FCGR2B: variants seen among roughly 807,000 people sequenced by gnomAD.
FCGR2B encodes the protein Fc gamma receptor IIb, also known as low affinity immunoglobulin gamma Fc region receptor II-b.
A neutral mutation model predicts 24.8 loss-of-function variants in FCGR2B; 18 were observed. The observed-to-expected ratio is 0.73, with a 90% CI of 0.50 to 1.08. The LOEUF (loss-of-function observed/expected upper bound fraction) is 1.08. FCGR2B is among the 50% of genes least tolerant of loss of function. The pLI is 0.00. For missense variants in FCGR2B, 215 were observed against 297.6 expected (o/e 0.72, Z 2.04); for synonymous variants, 79 against 109.8 (o/e 0.72, Z 1.75).
At chr1:161,676,098 G>A (rs1251589190) in intron 6 of FCGR2B, 1 of 230,648 alleles carries the variant, frequency 4.3e-6, no homozygotes, top group Non-Finnish European at 8.6e-6. Context: ...AGTGTGTAAA[G>A]GAACTTCCAG....
chr1:161,676,482 C>T (rs746667917), intron 6 of FCGR2B: 4 of 177,028 alleles, frequency 2.3e-5, no homozygotes, highest in Non-Finnish European at 3.6e-5. Flanking sequence ...ACTTTTGCAG[C>T]CAGGCATTGG....
In FCGR2B at chr1:161,673,282, G is replaced by T. The variant is rs142579257; in HGVS notation, c.646+53G>T. The T allele has an allele frequency of 7.5e-3, 11,929 of 1,594,782 alleles. 479 individuals carry two copies. In the African/African-American group the frequency reaches 0.14, roughly 18 times the overall value. ...AGGGGAGAAGAGGGGATGGACAAGG[G>T]CTGAGGTCACATGGGCCTACATGGA... is the stretch of plus-strand genomic sequence containing the variant. On this transcript the variant is annotated intron_variant, in intron 4 of 7. Coordinates refer to ENST00000358671, the MANE Select transcript of FCGR2B (RefSeq NM_001394477.1).
intron 5 of FCGR2B, chr1:161,674,326 T>C: frequency 3.8e-6 from 1 of 264,126 alleles, no homozygotes; most frequent in Non-Finnish European, 7.4e-6. Context: ...CTTGGGGAGT[T>C]CTCAGCATTG....
the FCGR2B span, among the ~76,000 whole-genome samples, chr1:161,654,355 G>A: frequency 5.3e-5 from 4 of 74,948 alleles, 1 homozygote; most frequent in Admixed American, 6.0e-4. Flanking sequence ...CAAGGGTAGA[G>A]AGATGTTTGT....
chr1:161,675,887 T>C (rs779577815), intron 6 of FCGR2B: 24 of 233,182 alleles, frequency 1.0e-4, no homozygotes, highest in Admixed American at 5.6e-4. Flanking sequence ...AACTCAGTTC[T>C]GATGCCCATG....
chr1:161,677,103 C>T (rs1284119690), intron 6 of FCGR2B: 20 of 565,618 alleles, frequency 3.5e-5, no homozygotes, highest in Non-Finnish European at 5.8e-5. Context: ...CAAGTGACTG[C>T]TCCACTTTTT....
At chr1:161,671,714 C>A in intron 3 of FCGR2B, 65 bp downstream of exon 3, 2 of 1,603,812 alleles carry the variant, frequency 1.2e-6, no homozygotes, top group East Asian at 2.2e-5. Context: ...TGCTTTCAGG[C>A]AGAGGTTTGC....
rs552605155 is a variant in FCGR2B at position 161,677,848 on chromosome 1, A to G, written c.*295A>G. 181 of 368,840 alleles carry G rather than the reference A, an allele frequency of 4.9e-4. No individual in the cohort carries two copies. The highest frequency in any genetic ancestry group is 2.4e-3 in the Admixed American group (52 of 22,006). The allele number at this position is 368,840 out of a possible 1,614,324, so 22.8% of individuals were successfully genotyped here. A position where few individuals can be genotyped will look rare whatever the true frequency, so the allele number is the denominator to read the frequency against. Reference sequence around the variant, plus strand: ...ATCAAACCACTGTTATTAACAGATAATAGCAACTTGGGAAATGCTTATGTT... The same window carrying G: ...ATCAAACCACTGTTATTAACAGATAGTAGCAACTTGGGAAATGCTTATGTT... On this transcript the variant is annotated 3_prime_UTR_variant, in exon 8 of 8. Coordinates refer to ENST00000358671, the MANE Select transcript of FCGR2B (RefSeq NM_001394477.1).
At chr1:161,649,269 C>T in the FCGR2B span, among the ~76,000 whole-genome samples, 2 of 150,958 alleles carry the variant, frequency 1.3e-5, no homozygotes, top group Admixed American at 1.3e-4. Context: ...TCCTCTTTTA[C>T]TTTTTTGCAT....
chr1:161,671,318 T>C (rs1213803557), intron 2 of FCGR2B, 74 bp from the exon 3 acceptor site: 4 of 1,610,508 alleles, frequency 2.5e-6, no homozygotes, highest in African/African-American at 2.7e-5. Flanking sequence ...AGGTGCTTTT[T>C]TGTCTGAGAT....
chr1:161,676,326 T>C (rs3767640), intron 6 of FCGR2B: 29,063 of 194,222 alleles, frequency 0.15, 2,818 homozygotes, highest in African/African-American at 0.26. Flanking sequence ...CAAGGTCGCA[T>C]GTCTGCTGGC....
the FCGR2B span, among the ~76,000 whole-genome samples, chr1:161,652,908 A>G: frequency 1.5e-5 from 2 of 134,022 alleles, no homozygotes; most frequent in African/African-American, 2.6e-5. Context: ...ACCAAGAGAC[A>G]CCGGTATTCC....
chr1:161,671,723 G>T, intron 3 of FCGR2B, 74 bp downstream of exon 3: 1 of 1,602,068 alleles, frequency 6.2e-7, no homozygotes, highest in Non-Finnish European at 8.5e-7. Context: ...GCAGAGGTTT[G>T]CAGGAAAGGG....
Position 161,678,394 on chromosome 1 carries a change from C to T in FCGR2B, c.*841C>T. The stretch of plus-strand genomic sequence containing the variant: ...TTACAATTGCCTAAAGTATTCAGTA[C>T]AGTAGCATGCTGTACAGGTTTGTAG... On this transcript the variant is annotated 3_prime_UTR_variant, in exon 8 of 8. Transcript: ENST00000358671. The T allele has an allele frequency of 4.6e-6, 1 of 217,152 alleles. No homozygotes were observed. Among genetic ancestry groups the T allele is most frequent in the Non-Finnish European group, 9.3e-6 (1 of 107,948 alleles). The allele number at this position is 217,152 out of a possible 1,614,324, so 13.5% of individuals were successfully genotyped here. A position where few individuals can be genotyped will look rare whatever the true frequency, so the allele number is the denominator to read the frequency against.
At chr1:161,647,295 C>CTTTTTTTT in the FCGR2B span, among the ~76,000 whole-genome samples, 7 of 131,586 alleles carry the variant, frequency 5.3e-5, no homozygotes, top group Admixed American at 3.1e-4. Flanking sequence ...TTGCTCTGGA[C>CTTTTTTTT]TCTTTTTTTT....
rs533909596 is a variant in FCGR2B at position 161,667,459 on chromosome 1, G to A, written c.113-2793G>A. Among the ~76,000 whole-genome samples the A allele has an allele frequency of 7.0e-5, 8 of 114,246 alleles. 2 individuals carry two copies. Among genetic ancestry groups the A allele is most frequent in the African/African-American group, 2.7e-4 (8 of 29,412 alleles). The allele number at this position is 114,246 out of a possible 152,430, so 74.9% of individuals were successfully genotyped here. A position where few individuals can be genotyped will look rare whatever the true frequency, so the allele number is the denominator to read the frequency against. On this transcript the variant is annotated intron_variant, in intron 1 of 7. Transcript: ENST00000358671. ...GGTAATTTCAATAACACGCAGCTGAGCAAGTAAAGGCATGGCGAATACAGG... is the reference window on the plus strand; with the variant it reads ...GGTAATTTCAATAACACGCAGCTGAACAAGTAAAGGCATGGCGAATACAGG...
intron 2 of FCGR2B, 93 bp from the exon 3 acceptor site, chr1:161,671,299 T>G (rs1681632579): frequency 6.3e-7 from 1 of 1,595,682 alleles, no homozygotes; most frequent in Non-Finnish European, 8.5e-7. Flanking sequence ...GTGCCCCTAG[T>G]AGGCCTACAG....
In FCGR2B at chr1:161,678,510, A is replaced by G. The variant is rs983129707; in HGVS notation, c.*957A>G. 7.4e-5 allele frequency: 16 copies of G among 217,388 alleles called. No individual in the cohort carries two copies. Among genetic ancestry groups the G allele is most frequent in the Non-Finnish European group, 1.4e-4 (15 of 108,074 alleles). The allele number at this position is 217,388 out of a possible 1,614,324, so 13.5% of individuals were successfully genotyped here. A position where few individuals can be genotyped will look rare whatever the true frequency, so the allele number is the denominator to read the frequency against. ...TAAGTACCTGCTATGATGTTCACAC[A>G]ACAAAATTGCCTGCATTTCTCAAAA... On this transcript the variant is annotated 3_prime_UTR_variant, in exon 8 of 8. Coordinates refer to ENST00000358671, the MANE Select transcript of FCGR2B (RefSeq NM_001394477.1).
At chr1:161,652,657 C>G in the FCGR2B span, among the ~76,000 whole-genome samples, 47 of 134,810 alleles carry the variant, frequency 3.5e-4, 9 homozygotes, top group African/African-American at 1.1e-3. Context: ...GATTTTTAAA[C>G]CTTGCTTTTC....
Sources: gnomAD v4.1 joint callset for allele counts (sites outside exome capture counted in the v4.1 genomes callset) on GRCh38, gnomAD v4.1.1 for gene constraint, MANE v1.5 for transcripts, NCBI Gene and HGNC (gene_info 2026-07-23, HGNC 2026-07-21) for gene names.